DENND1A: variants seen among roughly 807,000 people sequenced by gnomAD.
DENND1A encodes DENN domain-containing protein 1A.
Under a neutral mutation model 113.7 loss-of-function variants are expected in DENND1A, and 51 were observed. The observed-to-expected ratio is 0.45, with a 90% CI of 0.36 to 0.57. DENND1A has a LOEUF of 0.57. Among genes scored for constraint, DENND1A ranks in the 20% least tolerant of loss-of-function variants. DENND1A has a pLI of 0.00. For synonymous variants in DENND1A, 565 were observed against 570.8 expected (o/e 0.99, Z 0.14); for missense variants, 1,258 against 1,395.9 (o/e 0.90, Z 1.57).
chr9:123,541,772 G>A (rs1293270837), intron 13 of DENND1A, among the ~76,000 whole-genome samples: 1 of 152,214 alleles, frequency 6.6e-6, no homozygotes, highest in Non-Finnish European at 1.5e-5. Context: ...GATGCACAGA[G>A]GACGAGTACT....
chr9:123,874,488 C>G (rs1441991621), intron 2 of DENND1A, among the ~76,000 whole-genome samples: 1 of 152,068 alleles, frequency 6.6e-6, no homozygotes, highest in African/African-American at 2.4e-5. Flanking sequence ...TAAGCCTATA[C>G]CAGCTACTAA....
intron 13 of DENND1A, among the ~76,000 whole-genome samples, chr9:123,495,465 TA>T (rs1228301741): frequency 1.3e-5 from 2 of 152,104 alleles, no homozygotes; most frequent in African/African-American, 2.4e-5. Flanking sequence ...AGGAAACATT[TA>T]AAAAACCACG....
At chr9:123,525,593 C>G (rs2054765079) in intron 13 of DENND1A, among the ~76,000 whole-genome samples, 1 of 152,100 alleles carries the variant, frequency 6.6e-6, no homozygotes. Context: ...GCACTATGAC[C>G]CTGCTCTACA....
chr9:123,413,755 T>C, intron 19 of DENND1A: 1 of 985,480 alleles, frequency 1.0e-6, no homozygotes. Context: ...GGGTGCTGCC[T>C]AGGGATGGGC....
chr9:123,492,815 C>G (rs2051498020), intron 13 of DENND1A: 1 of 152,180 alleles, frequency 6.6e-6, no homozygotes. Flanking sequence ...AACATCGTCT[C>G]TTTGTTTGAG....
chr9:123,929,021 AG>A, intron 1 of DENND1A: 1 of 565,672 alleles, frequency 1.8e-6, no homozygotes, highest in Non-Finnish European at 2.2e-6. Flanking sequence ...AGGAAGGGAG[AG>A]GCCACAAGAG....
At chr9:123,480,101 T>C (rs983301292) in intron 13 of DENND1A, among the ~76,000 whole-genome samples, 1 of 152,176 alleles carries the variant, frequency 6.6e-6, no homozygotes, top group Non-Finnish European at 1.5e-5. Context: ...CAATGGGCTA[T>C]TTTACTTTCT....
rs551136871 is a variant in DENND1A, at chr9:123,581,778, T to A, written c.867+1391A>T. ...AACACTTCCCCGACCAGGACACATA[T>A]GAGCACCACATGGCCAGGAACAACA... On this transcript the variant is annotated intron_variant, in intron 12 of 23. Coordinates refer to ENST00000394215, the MANE Select transcript of DENND1A (RefSeq NM_001352964.2). 3.3e-5 allele frequency among the ~76,000 whole-genome samples: 5 copies of A among 152,286 alleles called. No individual in the cohort carries two copies. In the East Asian group the frequency reaches 9.6e-4, roughly 29 times the overall value.
intron 22 of DENND1A, among the ~76,000 whole-genome samples, chr9:123,386,386 T>C (rs1156475250): frequency 3.3e-5 from 5 of 150,412 alleles, no homozygotes; most frequent in Admixed American, 6.6e-5. Flanking sequence ...TCTTTCTTTT[T>C]TTTTTTTTTT....
At chr9:123,420,751 G>A (rs1295633238) in intron 19 of DENND1A, among the ~76,000 whole-genome samples, 1 of 151,852 alleles carries the variant, frequency 6.6e-6, no homozygotes, top group Non-Finnish European at 1.5e-5. Context: ...CCCGTGCAAA[G>A]AGCTCGGCTG....
intron 1 of DENND1A, among the ~76,000 whole-genome samples, chr9:123,904,991 A>G (rs1852491143): frequency 6.6e-6 from 1 of 152,248 alleles, no homozygotes; most frequent in African/African-American, 2.4e-5. Flanking sequence ...GAAGTCCATC[A>G]GACTAACAGC....
intron 13 of DENND1A, among the ~76,000 whole-genome samples, chr9:123,517,342 C>G (rs917146300): frequency 6.6e-6 from 1 of 151,794 alleles, no homozygotes; most frequent in South Asian, 2.1e-4. Context: ...AAGGGAGGGC[C>G]GGGCATGGTG....
intron 5 of DENND1A, among the ~76,000 whole-genome samples, chr9:123,693,374 G>A (rs1273998424): frequency 1.3e-5 from 2 of 152,088 alleles, no homozygotes; most frequent in Non-Finnish European, 2.9e-5. Context: ...GCCCACATCG[G>A]TGTAACAACC....
intron 12 of DENND1A, among the ~76,000 whole-genome samples, chr9:123,571,214 A>G (rs1000051590): frequency 1.3e-5 from 2 of 152,218 alleles, no homozygotes; most frequent in African/African-American, 4.8e-5. Flanking sequence ...AATCATCTAA[A>G]AATCAGCAGA....
intron 13 of DENND1A, among the ~76,000 whole-genome samples, chr9:123,476,768 G>A (rs182150793): frequency 2.6e-5 from 4 of 152,244 alleles, no homozygotes; most frequent in Admixed American, 2.0e-4. Context: ...TTTAATTCTC[G>A]TAACCACCCA....
rs117841862 is a variant in DENND1A, at chr9:123,748,502, T to C, written c.302+9201A>G. On this transcript the variant is annotated intron_variant, in intron 5 of 23. Coordinates refer to ENST00000394215, the MANE Select transcript of DENND1A (RefSeq NM_001352964.2). The stretch of plus-strand genomic sequence containing the variant: ...ATTGCAGTCTTATGGGGCCTCTCCA[T>C]GATGGAGAGAATGTTAGGCTTCCTA... 8.5e-3 allele frequency among the ~76,000 whole-genome samples: 1,289 copies of C among 152,304 alleles called. 15 individuals are homozygous for C. Among genetic ancestry groups the C allele is most frequent in the Non-Finnish European group, 0.014 (979 of 68,034 alleles).
At chr9:123,781,008 T>C (rs960675195) in intron 3 of DENND1A, among the ~76,000 whole-genome samples, 1 of 152,162 alleles carries the variant, frequency 6.6e-6, no homozygotes, top group Non-Finnish European at 1.5e-5. Flanking sequence ...CTTGCCTACC[T>C]CTCTACTAAA....
At chr9:123,920,329 G>T (rs879002208) in intron 1 of DENND1A, among the ~76,000 whole-genome samples, 1 of 152,036 alleles carries the variant, frequency 6.6e-6, no homozygotes, top group Admixed American at 6.5e-5. Context: ...TACTCAGGAG[G>T]CTGAAGCAGA....
chr9:123,831,651 T>C (rs1237427973), intron 2 of DENND1A, among the ~76,000 whole-genome samples: 6 of 152,186 alleles, frequency 3.9e-5, no homozygotes, highest in African/African-American at 7.2e-5. Flanking sequence ...AAAGTGGCAA[T>C]GTGGAAAAGT....
Sources: allele counts gnomAD v4.1 joint callset (sites outside exome capture counted in the v4.1 genomes callset), GRCh38; gene constraint gnomAD v4.1.1; transcripts MANE v1.5; gene names NCBI Gene and HGNC (gene_info 2026-07-23, HGNC 2026-07-21).